PDZD2: variants seen among roughly 807,000 people sequenced by gnomAD.
The protein encoded by PDZD2 is PDZ domain containing 2, also known as PDZ domain-containing protein 2.
A neutral mutation model predicts 220.7 loss-of-function variants in PDZD2; 90 were observed. The ratio of observed to expected loss-of-function variants is 0.41; its 90% CI spans 0.34 to 0.49. The LOEUF (loss-of-function observed/expected upper bound fraction) is 0.49, where lower values mean the gene tolerates loss of function less well. Among genes scored for constraint, PDZD2 ranks in the 20% least tolerant of loss-of-function variants. The pLI is 0.28. For missense variants in PDZD2, 3,174 were observed against 3,608.5 expected, an observed-to-expected ratio of 0.88 and a Z score of 3.08; for synonymous variants, 1,375 against 1,450.5, an observed-to-expected ratio of 0.95 and a Z score of 1.18.
intron 1 of PDZD2, among the ~76,000 whole-genome samples, chr5:31,667,190 C>T (rs1255922805): frequency 1.4e-5 from 2 of 142,820 alleles, no homozygotes; most frequent in Admixed American, 1.5e-4. Flanking sequence ...GAGCTGAGAT[C>T]GCGCCACTGC....
At chr5:31,816,680 A>G (rs1755478704) in intron 2 of PDZD2, among the ~76,000 whole-genome samples, 1 of 152,316 alleles carries the variant, frequency 6.6e-6, no homozygotes, top group African/African-American at 2.4e-5. Context: ...TATATGTTAA[A>G]AACTATTAAA....
intron 8 of PDZD2, 130 bp from the exon 9 acceptor site, chr5:32,052,481 A>G (rs1025157702): frequency 6.3e-5 from 55 of 871,654 alleles, no homozygotes; most frequent in Non-Finnish European, 1.0e-4. Context: ...TTTTTAAGTC[A>G]CTGAACCAGA....
At chr5:31,887,409 G>T (rs1740608773) in intron 2 of PDZD2, among the ~76,000 whole-genome samples, 1 of 152,192 alleles carries the variant, frequency 6.6e-6, no homozygotes, top group South Asian at 2.1e-4. Context: ...TCAGTGGAGA[G>T]ACCACATTCG....
At chr5:31,758,876 A>G (rs958740797) in intron 1 of PDZD2, among the ~76,000 whole-genome samples, 1 of 152,094 alleles carries the variant, frequency 6.6e-6, no homozygotes, top group African/African-American at 2.4e-5. Flanking sequence ...GTAGAGCAAA[A>G]AAAGTGTTAG....
intron 6 of PDZD2, among the ~76,000 whole-genome samples, chr5:32,029,557 G>T (rs1216024601): frequency 6.6e-6 from 1 of 152,020 alleles, no homozygotes; most frequent in Non-Finnish European, 1.5e-5. Context: ...GGTGACACAG[G>T]CTCGGGGGTG....
At chr5:32,030,906 C>T (rs143775348) in intron 6 of PDZD2, among the ~76,000 whole-genome samples, 147 of 152,242 alleles carry the variant, frequency 9.7e-4, no homozygotes, top group African/African-American at 2.9e-3. Context: ...GAGCAATGAC[C>T]GATAACTGTG....
At chr5:31,689,353 A>ATTTTTTTTTTTTTTTCTTT (rs1747020549) in intron 1 of PDZD2, among the ~76,000 whole-genome samples, 1 of 35,142 alleles carries the variant, frequency 2.8e-5, no homozygotes, top group Non-Finnish European at 4.2e-5. Context: ...ATATATATAT[A>ATTTTTTTTTTTTTTTCTTT]TTTTTTTTTT....
At chr5:31,984,459 A>G (rs1022630273) in intron 3 of PDZD2, among the ~76,000 whole-genome samples, 9 of 152,350 alleles carry the variant, frequency 5.9e-5, no homozygotes, top group East Asian at 1.9e-4. Context: ...TAAACTGCCT[A>G]CGTGGATGCT....
chr5:32,092,953 T>C lies in PDZD2; in HGVS notation c.7774T>C (p.Ser2592Pro). 3 of 1,607,220 alleles carry C rather than the reference T, an allele frequency of 1.9e-6. No homozygotes were observed. The highest frequency in any genetic ancestry group is 2.6e-6 in the Non-Finnish European group (3 of 1,173,872). ...VSAGDQQRLQ[S>P]VLSSVGSKST... ...AGCGGGGGACCAGCAAAGATTACAG[T>C]CTGTTTTATCGTCAGTGGGATCGAA... Residue 2592 changes from serine to proline, a missense_variant, in exon 21 of 25, where the codon TCT becomes CCT. Ser to Pro is a moderately conservative substitution (Grantham distance 74). Coordinates refer to ENST00000438447, the MANE Select transcript of PDZD2 (RefSeq NM_178140.4).
At chr5:31,778,182 G>T (rs1306417341) in intron 1 of PDZD2, among the ~76,000 whole-genome samples, 1 of 152,156 alleles carries the variant, frequency 6.6e-6, no homozygotes, top group Non-Finnish European at 1.5e-5. Flanking sequence ...TCTAGCTCAG[G>T]GATTGTAAAC....
intron 2 of PDZD2, among the ~76,000 whole-genome samples, chr5:31,812,786 G>T (rs1755198315): frequency 6.6e-6 from 1 of 152,056 alleles, no homozygotes; most frequent in African/African-American, 2.4e-5. Context: ...TCACTATGTT[G>T]TCCAGGCTGT....
intron 2 of PDZD2, among the ~76,000 whole-genome samples, chr5:31,951,346 G>GCA (rs1747165126): frequency 6.6e-6 from 1 of 152,128 alleles, no homozygotes; most frequent in Non-Finnish European, 1.5e-5. Context: ...GGATCTACAG[G>GCA]GTTGAGCCAC....
chr5:31,771,327 A>C (rs1653697579), intron 1 of PDZD2, among the ~76,000 whole-genome samples: 1 of 152,156 alleles, frequency 6.6e-6, no homozygotes, highest in Non-Finnish European at 1.5e-5. Flanking sequence ...TGTCATCCCT[A>C]AGCTTATCAT....
At chr5:31,649,379 T>C (rs1013683143) in intron 1 of PDZD2, among the ~76,000 whole-genome samples, 4 of 151,684 alleles carry the variant, frequency 2.6e-5, no homozygotes, top group Non-Finnish European at 4.4e-5. Flanking sequence ...CCGTCCCATA[T>C]CAGAGCTCTT....
intron 2 of PDZD2, among the ~76,000 whole-genome samples, chr5:31,975,355 A>C (rs73070432): frequency 0.03 from 4,499 of 151,954 alleles, 230 homozygotes; most frequent in African/African-American, 0.1. Flanking sequence ...CGTGAGACTT[A>C]CTCACTCTCA....
At chr5:32,020,442 T>A (rs1449999899) in intron 6 of PDZD2, among the ~76,000 whole-genome samples, 1 of 152,322 alleles carries the variant, frequency 6.6e-6, no homozygotes, top group African/African-American at 2.4e-5. Context: ...CATTTTTGCA[T>A]CATGTATCTC....
chr5:32,088,390 A>G lies in PDZD2; in HGVS notation c.4942A>G (p.Lys1648Glu). ...PRESVASPREKAACLPGSYTS... is the reference protein window; with the variant it reads ...PRESVASPREEAACLPGSYTS... Reference sequence around the variant, plus strand: ...AGAGTCGGTGGCCAGTCCCCGTGAGAAGGCCGCCTGCTTGCCAGGCTCATA... The same window carrying G: ...AGAGTCGGTGGCCAGTCCCCGTGAGGAGGCCGCCTGCTTGCCAGGCTCATA... The change falls in exon 20 of 25, where the codon AAG becomes GAG. Residue 1648 changes from lysine to glutamate, a missense_variant. By Grantham distance (56) the Lys-to-Glu change is moderately conservative. This residue lies in a region of PDZD2 where 1,861 missense variants were observed against 2,001.0 expected (regional missense o/e 0.93). Transcript: ENST00000438447. The surrounding 1 kb of genome is among the most constrained non-coding windows in gnomAD (Gnocchi z 4.6). The G allele has an allele frequency of 6.2e-7, 1 of 1,613,966 alleles. No individual in the cohort carries two copies. The highest frequency in any genetic ancestry group is 8.5e-7 in the Non-Finnish European group (1 of 1,179,970).
intron 2 of PDZD2, among the ~76,000 whole-genome samples, chr5:31,872,776 G>A (rs987615469): frequency 2.0e-5 from 3 of 151,984 alleles, no homozygotes; most frequent in East Asian, 1.9e-4. Context: ...ATCTACATAC[G>A]TGTGTGTATG....
intron 24 of PDZD2, among the ~76,000 whole-genome samples, chr5:32,102,509 TGAACCTATG>T (rs1198031338): frequency 1.3e-5 from 2 of 151,630 alleles, no homozygotes; most frequent in Non-Finnish European, 2.9e-5. Flanking sequence ...CTGTTATGTG[TGAACCTATG>T]GTACCAGGGT....
Sources: allele counts gnomAD v4.1 joint callset (sites outside exome capture counted in the v4.1 genomes callset), GRCh38; gene constraint gnomAD v4.1.1; regional missense constraint gnomAD v4.1.1; non-coding constraint Gnocchi (gnomAD v3.1); transcripts MANE v1.5; gene names NCBI Gene and HGNC (gene_info 2026-07-23, HGNC 2026-07-21).